Variants in ZC3H3 observed in about 807,000 individuals in gnomAD.
ZC3H3 encodes zinc finger CCCH domain-containing protein 3.
Under a neutral mutation model 77.3 loss-of-function variants are expected in ZC3H3, and 36 were observed. That is an observed-to-expected ratio of 0.47 (90% CI 0.36 to 0.61). The LOEUF (loss-of-function observed/expected upper bound fraction) is 0.61, where lower values mean the gene tolerates loss of function less well. ZC3H3 is among the 20% of genes least tolerant of loss of function. ZC3H3 has a pLI of 0.00. For missense variants in ZC3H3, 1,331 were observed against 1,312.2 expected (o/e 1.01, Z -0.22); for synonymous variants, 626 against 555.2 (o/e 1.13, Z -1.79).
intron 1 of ZC3H3, 94 bp from the exon 2 acceptor site, chr8:143,539,414 G>A (rs1822935788): frequency 7.9e-7 from 1 of 1,265,270 alleles, no homozygotes; most frequent in Non-Finnish European, 1.1e-6. Flanking sequence ...GATACCCCCA[G>A]ATCCCATCTC....
At chr8:143,508,024 C>T in intron 3 of ZC3H3, 125 bp from the exon 4 acceptor site, 3 of 1,166,624 alleles carry the variant, frequency 2.6e-6, no homozygotes, top group African/African-American at 1.6e-5. Context: ...CCTCCATCGC[C>T]CCGTGGATAA....
Position 143,525,305 on chromosome 8 carries a change from G to C in ZC3H3, c.1561+10952C>G, listed in dbSNP as rs561502997. Among the ~76,000 whole-genome samples the C allele has an allele frequency of 2.6e-5, 4 of 152,384 alleles. No homozygotes were observed. In the South Asian group the frequency reaches 8.3e-4, roughly 32 times the overall value. ...TCAGCACAGCCTCGGAGAGCCACAG[G>C]CGAGGGGACCAGAAAGGAGGGCCCT... On this transcript the variant is annotated intron_variant, in intron 3 of 11. Coordinates refer to ENST00000262577, the MANE Select transcript of ZC3H3 (RefSeq NM_015117.3).
rs556848158 is a variant in ZC3H3 at position 143,534,295 on chromosome 8, A to G, written c.1561+1962T>C. On this transcript the variant is annotated intron_variant, in intron 3 of 11. Transcript: ENST00000262577. ...TAAAAACATTAAAAAAAAAAAAAAA[A>G]ACGACGAGATCAATTACGCCCTTCC... is the stretch of plus-strand genomic sequence containing the variant. Among the ~76,000 whole-genome samples the G allele has an allele frequency of 4.9e-5, 7 of 143,836 alleles. 1 individual carries two copies. The East Asian group carries it at 1.2e-3, about 24-fold the overall frequency. The allele number at this position is 143,836 out of a possible 152,430, so 94.4% of individuals were successfully genotyped here.
intron 4 of ZC3H3, among the ~76,000 whole-genome samples, chr8:143,490,175 G>A (rs1303447013): frequency 6.6e-6 from 1 of 152,224 alleles, no homozygotes; most frequent in African/African-American, 2.4e-5. Context: ...CAGCAGGTGG[G>A]TGGGGCTGCA....
intron 8 of ZC3H3, among the ~76,000 whole-genome samples, chr8:143,467,486 G>A (rs1470437952): frequency 6.6e-6 from 1 of 152,206 alleles, no homozygotes; most frequent in East Asian, 1.9e-4. Context: ...GGAGAAAAAT[G>A]CTGATTCTTT....
At chr8:143,470,307 A>C (rs770285500) in intron 5 of ZC3H3, among the ~76,000 whole-genome samples, 5 of 152,136 alleles carry the variant, frequency 3.3e-5, no homozygotes, top group Non-Finnish European at 7.4e-5. Context: ...CAGGAGCAGG[A>C]GCTAGTCATG....
intron 3 of ZC3H3, among the ~76,000 whole-genome samples, chr8:143,520,299 C>T (rs1005770361): frequency 6.6e-6 from 1 of 152,226 alleles, no homozygotes; most frequent in Non-Finnish European, 1.5e-5. Flanking sequence ...TGGGGGCAGG[C>T]TCCCCTGCTG....
At chr8:143,510,317 A>G (rs1240787508) in intron 3 of ZC3H3, among the ~76,000 whole-genome samples, 3 of 152,156 alleles carry the variant, frequency 2.0e-5, no homozygotes, top group African/African-American at 7.2e-5. Flanking sequence ...GTGTGGGCCC[A>G]AGCTGGGCTC....
chr8:143,518,332 C>T (rs760428026), intron 3 of ZC3H3, among the ~76,000 whole-genome samples: 16 of 152,058 alleles, frequency 1.1e-4, no homozygotes, highest in Non-Finnish European at 2.2e-4. Context: ...AGATCTGGGG[C>T]CAACTGGCTG....
chr8:143,519,485 C>T (rs913744328), intron 3 of ZC3H3, among the ~76,000 whole-genome samples: 1 of 152,180 alleles, frequency 6.6e-6, no homozygotes, highest in Non-Finnish European at 1.5e-5. Context: ...GCCTTGCATT[C>T]CTCGTTACCC....
chr8:143,541,310 C>G (rs1246722860), intron 1 of ZC3H3, 66 bp downstream of exon 1: 1 of 1,597,848 alleles, frequency 6.3e-7, no homozygotes, highest in Admixed American at 1.7e-5. Context: ...GACAAGGGGG[C>G]AGGGGACCCG....
Position 143,472,340 on chromosome 8 carries a change from C to G in ZC3H3, c.1903+3058G>C, listed in dbSNP as rs970007503. ...AAGGGTGGCCGGGATAGACTGTTCA[C>G]AGTGTGGTGACGTCAGGGGCTCTGC... On this transcript the variant is annotated intron_variant, in intron 5 of 11. Coordinates refer to ENST00000262577, the MANE Select transcript of ZC3H3 (RefSeq NM_015117.3). Among the ~76,000 whole-genome samples the G allele has an allele frequency of 2.6e-5, 4 of 152,364 alleles. No homozygotes were observed. The South Asian group carries it at 8.3e-4, about 32-fold the overall frequency.
chr8:143,441,598 G>A (rs1042961190), intron 9 of ZC3H3, among the ~76,000 whole-genome samples: 10 of 152,196 alleles, frequency 6.6e-5, no homozygotes, highest in African/African-American at 1.2e-4. Flanking sequence ...GGCTGGGCTG[G>A]GCACGCGATC....
At chr8:143,447,256 C>A (rs979408800) in intron 9 of ZC3H3, among the ~76,000 whole-genome samples, 1 of 152,222 alleles carries the variant, frequency 6.6e-6, no homozygotes, top group Non-Finnish European at 1.5e-5. Context: ...TGTGACGCAC[C>A]CTTTGTCCCC....
At chr8:143,529,377 C>T (rs1170581788) in intron 3 of ZC3H3, among the ~76,000 whole-genome samples, 2 of 152,200 alleles carry the variant, frequency 1.3e-5, no homozygotes, top group Non-Finnish European at 2.9e-5. Flanking sequence ...GTGCAGAATC[C>T]ACCCAGGCCT....
intron 4 of ZC3H3, among the ~76,000 whole-genome samples, chr8:143,486,239 T>C (rs1821048944): frequency 6.6e-6 from 1 of 152,234 alleles, no homozygotes; most frequent in Non-Finnish European, 1.5e-5. Flanking sequence ...GGCGCGGCAA[T>C]GTAGCGGAGT....
intron 4 of ZC3H3, among the ~76,000 whole-genome samples, chr8:143,476,218 C>T (rs1200007637): frequency 6.6e-6 from 1 of 152,214 alleles, no homozygotes; most frequent in African/African-American, 2.4e-5. Context: ...GTCCTGCCTC[C>T]CCTTCATCCA....
chr8:143,450,162 A>G (rs1250732135), intron 9 of ZC3H3, among the ~76,000 whole-genome samples: 1 of 152,186 alleles, frequency 6.6e-6, no homozygotes, highest in Non-Finnish European at 1.5e-5. Flanking sequence ...GCATTGCTGT[A>G]AATAAATACC....
intron 7 of ZC3H3, 32 bp from the exon 8 acceptor site, chr8:143,468,310 G>A: frequency 1.2e-6 from 2 of 1,612,366 alleles, no homozygotes; most frequent in South Asian, 1.1e-5. Context: ...GTATGAGGAA[G>A]GGCCGGCAGG....
Sources: gnomAD v4.1 joint callset for allele counts (sites outside exome capture counted in the v4.1 genomes callset) on GRCh38, gnomAD v4.1.1 for gene constraint, MANE v1.5 for transcripts, NCBI Gene and HGNC (gene_info 2026-07-23, HGNC 2026-07-21) for gene names.